The following MBD5 variants were observed in gnomAD, a reference collection of about 807,000 sequenced individuals.
The protein encoded by MBD5 is methyl-CpG-binding domain protein 5.
A neutral mutation model predicts 117.3 loss-of-function variants in MBD5; 13 were observed. The observed-to-expected ratio is 0.11, with a 90% CI of 0.07 to 0.18. MBD5 has a LOEUF of 0.18. Among genes scored for constraint, MBD5 ranks in the 10% least tolerant of loss-of-function variants. MBD5 has a pLI of 1.00. For synonymous variants in MBD5, 727 were observed against 766.4 expected, an observed-to-expected ratio of 0.95 and a Z score of 0.85; for missense variants, 1,879 against 2,093.8, an observed-to-expected ratio of 0.90 and a Z score of 2.00.
At chr2:148,381,365 T>A (rs1704137901) in intron 4 of MBD5, among the ~76,000 whole-genome samples, 1 of 151,948 alleles carries the variant, frequency 6.6e-6, no homozygotes, top group Non-Finnish European at 1.5e-5. Context: ...AGAAAGGGTA[T>A]CAGCAATGGA....
At chr2:148,333,101 T>C (rs978650262) in intron 3 of MBD5, among the ~76,000 whole-genome samples, 1 of 152,222 alleles carries the variant, frequency 6.6e-6, no homozygotes, top group African/African-American at 2.4e-5. Flanking sequence ...TCTGTTCTTC[T>C]TTCATGGATG....
intron 8 of MBD5, among the ~76,000 whole-genome samples, chr2:148,477,292 G>C (rs7569399): frequency 0.23 from 34,572 of 151,954 alleles, 5,274 homozygotes; most frequent in East Asian, 0.67. Flanking sequence ...TGTTGAGTGT[G>C]GAGAGCATTT....
At chr2:148,268,591 C>T (rs1700913624) in intron 3 of MBD5, among the ~76,000 whole-genome samples, 1 of 151,064 alleles carries the variant, frequency 6.6e-6, no homozygotes, top group African/African-American at 2.4e-5. Context: ...TATATAATAT[C>T]ATGTTCTTAT....
intron 1 of MBD5, chr2:148,028,352 T>C (rs1163529997): frequency 3.3e-5 from 5 of 152,064 alleles, no homozygotes; most frequent in African/African-American, 1.2e-4. Context: ...AAATTTTCTG[T>C]GTGGTGCTAA....
intron 3 of MBD5, among the ~76,000 whole-genome samples, chr2:148,312,500 C>G (rs891055208): frequency 2.0e-5 from 3 of 152,148 alleles, no homozygotes; most frequent in Admixed American, 1.3e-4. Flanking sequence ...TCAGCTCCAT[C>G]AGGTCATTAG....
At chr2:148,366,312 T>C (rs1157802923) in intron 4 of MBD5, among the ~76,000 whole-genome samples, 1 of 50,790 alleles carries the variant, frequency 2.0e-5, no homozygotes, top group Non-Finnish European at 4.3e-5. Flanking sequence ...AACTAGGTAT[T>C]GATGGAACGT....
chr2:148,137,577 T>A (rs1411964400), intron 1 of MBD5, among the ~76,000 whole-genome samples: 1 of 152,122 alleles, frequency 6.6e-6, no homozygotes, highest in East Asian at 1.9e-4. Flanking sequence ...CTGGATAACA[T>A]AGAGAGACAC....
At chr2:148,170,851 A>G (rs1228586380) in intron 1 of MBD5, among the ~76,000 whole-genome samples, 1 of 152,238 alleles carries the variant, frequency 6.6e-6, no homozygotes, top group African/African-American at 2.4e-5. Context: ...ATAAGAGACC[A>G]CTATGAACAA....
Position 148,353,157 on chromosome 2 carries a change from T to C in MBD5, c.-557+10821T>C, listed in dbSNP as rs531158944. 1.8e-4 allele frequency among the ~76,000 whole-genome samples: 28 copies of C among 152,298 alleles called. 1 individual carries two copies. In the South Asian group the frequency reaches 5.8e-3, roughly 32 times the overall value. Reference sequence around the variant, plus strand: ...GAGGGTTTTTGTGTACATTAAAGGTTCTGCTTTTAACATGAGAGATAAAAA... The same window carrying C: ...GAGGGTTTTTGTGTACATTAAAGGTCCTGCTTTTAACATGAGAGATAAAAA... On this transcript the variant is annotated intron_variant, in intron 4 of 13. Coordinates refer to ENST00000642680, the MANE Select transcript of MBD5 (RefSeq NM_001378120.1).
intron 3 of MBD5, among the ~76,000 whole-genome samples, chr2:148,320,078 ATC>A (rs1420000496): frequency 6.6e-6 from 1 of 152,146 alleles, no homozygotes; most frequent in African/African-American, 2.4e-5. Context: ...ATGTTGAATC[ATC>A]TTTGCATAAA....
intron 3 of MBD5, among the ~76,000 whole-genome samples, chr2:148,339,332 AT>A (rs1003635272): frequency 3.0e-4 from 45 of 152,020 alleles, no homozygotes; most frequent in African/African-American, 1.1e-3. Context: ...TTTCACCCAC[AT>A]GGGCCAAAGT....
chr2:148,086,408 AT>A (rs1164406904), intron 1 of MBD5, among the ~76,000 whole-genome samples: 3 of 152,038 alleles, frequency 2.0e-5, no homozygotes, highest in South Asian at 4.1e-4. Flanking sequence ...TTCTCATAGA[AT>A]TTTTTTTACA....
chr2:148,443,725 G>A (rs1029174316), intron 4 of MBD5, among the ~76,000 whole-genome samples: 11 of 151,062 alleles, frequency 7.3e-5, no homozygotes, highest in African/African-American at 2.7e-4. Flanking sequence ...GTAGAAGGAT[G>A]GTTATGTTAC....
intron 4 of MBD5, among the ~76,000 whole-genome samples, chr2:148,447,235 G>GAA (rs1559075770): frequency 1.7e-4 from 14 of 82,834 alleles, no homozygotes; most frequent in African/African-American, 3.9e-4. Flanking sequence ...AAGAAAGAAA[G>GAA]GGAAAGGAGG....
chr2:148,416,991 A>G (rs1308484165), intron 4 of MBD5, among the ~76,000 whole-genome samples: 1 of 152,086 alleles, frequency 6.6e-6, no homozygotes, highest in Non-Finnish European at 1.5e-5. Flanking sequence ...TGGTGTGTTT[A>G]TATATATAAA....
chr2:148,445,858 T>C (rs1706490755), intron 4 of MBD5, among the ~76,000 whole-genome samples: 1 of 151,422 alleles, frequency 6.6e-6, no homozygotes, highest in Admixed American at 6.6e-5. Context: ...CTCACTGTGG[T>C]TTTGATTTGC....
intron 1 of MBD5, among the ~76,000 whole-genome samples, chr2:148,120,468 A>G (rs972120652): frequency 2.0e-5 from 3 of 152,210 alleles, no homozygotes; most frequent in African/African-American, 7.2e-5. Context: ...TTAATGTCAT[A>G]AAGAAATGCT....
chr2:148,490,365 T>A lies in MBD5; in HGVS notation c.4733T>A (p.Val1578Asp). ...AATGGAGACTTTAATGCCAAAAGCGTTAATGGGTGTGTGCCTAGCCCTTCA... is the reference window on the plus strand; with the variant it reads ...AATGGAGACTTTAATGCCAAAAGCGATAATGGGTGTGTGCCTAGCCCTTCA... ...HYNGDFNAKS[V>D]NGCVPSPSDA... The change falls in exon 11 of 14, where the codon GTT becomes GAT. Residue 1578 changes from valine (V) to aspartate (D), a missense_variant. Val to Asp is a radical substitution (Grantham distance 152). Around this residue, in one of 4 missense-constraint regions of MBD5, gnomAD observed 1,666 missense variants for 1,792.2 expected, o/e 0.93. Coordinates refer to ENST00000642680, the MANE Select transcript of MBD5 (RefSeq NM_001378120.1). The A allele has an allele frequency of 1.2e-6, 2 of 1,614,188 alleles. No homozygotes were observed. The highest frequency in any genetic ancestry group is 1.7e-6 in the Non-Finnish European group (2 of 1,180,038).
chr2:148,071,662 T>G (rs1695362481), intron 1 of MBD5: 1 of 152,212 alleles, frequency 6.6e-6, no homozygotes, highest in South Asian at 2.1e-4. Context: ...ATATTTGCTC[T>G]GTGATAATTC....
Sources: allele counts gnomAD v4.1 joint callset (sites outside exome capture counted in the v4.1 genomes callset), GRCh38; gene constraint gnomAD v4.1.1; regional missense constraint gnomAD v4.1.1; transcripts MANE v1.5; gene names NCBI Gene and HGNC (gene_info 2026-07-23, HGNC 2026-07-21).